MORN1: variants seen among roughly 807,000 people sequenced by gnomAD.
MORN1 encodes MORN repeat-containing protein 1.
A neutral mutation model predicts 61.9 loss-of-function variants in MORN1; 67 were observed. That is an observed-to-expected ratio of 1.08 (90% CI 0.89 to 1.33). The LOEUF (loss-of-function observed/expected upper bound fraction) is 1.33. MORN1 is among the 40% of genes most tolerant of loss of function. The probability of loss-of-function intolerance (pLI) is 0.00; values close to 1 mark genes in which losing one functional copy is unlikely to be tolerated. For missense variants in MORN1, 752 were observed against 691.2 expected, an observed-to-expected ratio of 1.09 and a Z score of -0.99; for synonymous variants, 301 against 292.0, an observed-to-expected ratio of 1.03 and a Z score of -0.31.
At chr1:2,368,070 G>A (rs1304202406) in intron 8 of MORN1, among the ~76,000 whole-genome samples, 1 of 152,238 alleles carries the variant, frequency 6.6e-6, no homozygotes, top group Non-Finnish European at 1.5e-5. Context: ...AAACTTTTGT[G>A]TTTCAAAGGA....
intron 1 of MORN1, chr1:2,390,810 G>A (rs1262590235): frequency 1.1e-6 from 1 of 917,466 alleles, no homozygotes; most frequent in Non-Finnish European, 1.3e-6. Flanking sequence ...GTGCAGCGGC[G>A]CGATCTCGGC....
intron 10 of MORN1, among the ~76,000 whole-genome samples, chr1:2,340,018 A>G (rs1353121804): frequency 1.3e-5 from 2 of 152,200 alleles, no homozygotes; most frequent in Admixed American, 1.3e-4. Context: ...CAGGTTTTCC[A>G]AGGCTGCGCC....
Position 2,337,189 on chromosome 1 carries a change from G to C in MORN1, c.1037-339C>G, listed in dbSNP as rs1206977143. The stretch of plus-strand genomic sequence containing the variant: ...AGCCGAGGCACTCGCTTCCAGGGTA[G>C]GGCCGGGACCGGGGCCCTGGCCGGA... On this transcript the variant is annotated intron_variant, in intron 10 of 13. Transcript: ENST00000378531. This position sits in a 1 kb window ranked among gnomAD's most constrained non-coding sequence, Gnocchi z 5.7. Among the ~76,000 whole-genome samples, 1 of 152,232 alleles carries C rather than the reference G, an allele frequency of 6.6e-6. No homozygotes were observed. Among genetic ancestry groups the C allele is most frequent in the African/African-American group, 2.4e-5 (1 of 41,448 alleles).
rs569296634 is a variant in MORN1 at position 2,337,290 on chromosome 1, C to T, written c.1037-440G>A. 3.3e-4 allele frequency among the ~76,000 whole-genome samples: 50 copies of T among 152,294 alleles called. No individual in the cohort carries two copies. In the South Asian group the frequency reaches 6.6e-3, roughly 20 times the overall value. On this transcript the variant is annotated intron_variant, in intron 10 of 13. Coordinates refer to ENST00000378531, the MANE Select transcript of MORN1 (RefSeq NM_024848.3). The surrounding 1 kb of genome is among the most constrained non-coding windows in gnomAD (Gnocchi z 5.7). ...GAGGAGGAAGATGGTTCTGCCCCAG[C>T]GGCCCATCAAGATGGACCTGGCGTC...
intron 12 of MORN1, among the ~76,000 whole-genome samples, chr1:2,325,838 T>C (rs1641015777): frequency 6.6e-6 from 1 of 152,086 alleles, no homozygotes; most frequent in Non-Finnish European, 1.5e-5. Context: ...TTGCCCAGGC[T>C]GGTCTCAAAC....
chr1:2,347,635 C>T (rs1569961085), intron 10 of MORN1, among the ~76,000 whole-genome samples: 1 of 152,266 alleles, frequency 6.6e-6, no homozygotes, highest in Non-Finnish European at 1.5e-5. Flanking sequence ...GGGGACGGGG[C>T]CACGCAGGTG....
intron 2 of MORN1, among the ~76,000 whole-genome samples, chr1:2,389,248 G>T (rs1642585193): frequency 6.6e-6 from 1 of 152,236 alleles, no homozygotes; most frequent in Non-Finnish European, 1.5e-5. Context: ...GGGGGTACAG[G>T]TGTTATCGAC....
intron 8 of MORN1, among the ~76,000 whole-genome samples, chr1:2,368,186 C>T (rs1414665686): frequency 1.3e-5 from 2 of 152,216 alleles, no homozygotes; most frequent in African/African-American, 2.4e-5. Context: ...ACTCTTACGA[C>T]ATCTTGATGC....
intron 8 of MORN1, among the ~76,000 whole-genome samples, chr1:2,365,670 T>C (rs1486202739): frequency 6.6e-6 from 1 of 151,972 alleles, no homozygotes; most frequent in Admixed American, 6.6e-5. Flanking sequence ...TTTTTGCCCA[T>C]TCAGTATGAT....
At chr1:2,343,602 G>A (rs1326621665) in intron 10 of MORN1, among the ~76,000 whole-genome samples, 1 of 152,180 alleles carries the variant, frequency 6.6e-6, no homozygotes, top group Non-Finnish European at 1.5e-5. Flanking sequence ...CACCTCCACT[G>A]CATTCCCACG....
intron 8 of MORN1, among the ~76,000 whole-genome samples, chr1:2,359,879 T>C: frequency 8.6e-6 from 1 of 116,574 alleles, no homozygotes; most frequent in Non-Finnish European, 1.9e-5. Flanking sequence ...AGAGACTCCG[T>C]CTCAAAAAAA....
At chr1:2,356,592 G>A (rs951882321) in intron 10 of MORN1, among the ~76,000 whole-genome samples, 3 of 152,142 alleles carry the variant, frequency 2.0e-5, no homozygotes, top group Admixed American at 6.5e-5. Context: ...GGACCCCCAC[G>A]CCCGACCCCC....
At chr1:2,354,492 G>A (rs973906082) in intron 10 of MORN1, among the ~76,000 whole-genome samples, 14 of 152,134 alleles carry the variant, frequency 9.2e-5, no homozygotes, top group Admixed American at 2.0e-4. Context: ...ACCTGAGCCC[G>A]GGAGGTGGAG....
In MORN1 at chr1:2,335,829, A is replaced by AGCCCAGCCCAGCCCG. The variant is rs1553208732; in HGVS notation, c.1250+639_1250+640insCGGGCTGGGCTGGGC. Among the ~76,000 whole-genome samples, 482 of 139,432 alleles carry AGCCCAGCCCAGCCCG rather than the reference A, an allele frequency of 3.5e-3. 21 individuals carry two copies. Among genetic ancestry groups the AGCCCAGCCCAGCCCG allele is most frequent in the African/African-American group, 0.015 (457 of 29,886 alleles). The allele number at this position is 139,432 out of a possible 152,430, so 91.5% of individuals were successfully genotyped here. ...TCAGCGGGGGCCTCCTCGCCTCCAT[A>AGCCCAGCCCAGCCCG]GCCCAGCCCAGCCCAGCGCGCAGCT... On this transcript the variant is annotated intron_variant, in intron 12 of 13. Transcript: ENST00000378531.
intron 10 of MORN1, among the ~76,000 whole-genome samples, chr1:2,356,668 C>T (rs2100302279): frequency 6.6e-6 from 1 of 152,330 alleles, no homozygotes; most frequent in East Asian, 1.9e-4. Context: ...CACCCCAGGG[C>T]CTCCCAACGC....
rs968078697 is a variant in MORN1 at position 2,322,684 on chromosome 1, G to C, written c.1298-1105C>G. The C allele has an allele frequency of 2.0e-5, 20 of 985,352 alleles. No individual in the cohort carries two copies. The African/African-American group carries it at 3.3e-4, about 16-fold the overall frequency. 61.0% of individuals were successfully genotyped at this position (985,352 alleles called of 1,614,324 possible). ...GCGGGCGGAGGAAGAGCCCCACATG[G>C]CAACGCCACAGTGTTTCCAAGCAGC... On this transcript the variant is annotated intron_variant, in intron 13 of 13. Transcript: ENST00000378531.
chr1:2,332,643 G>T (rs1331466541), intron 12 of MORN1: 5 of 456,568 alleles, frequency 1.1e-5, no homozygotes, highest in African/African-American at 4.0e-5. Flanking sequence ...GACATGGAAG[G>T]GGTCACACTC....
intron 7 of MORN1, among the ~76,000 whole-genome samples, chr1:2,374,093 G>C (rs565126371): frequency 6.6e-6 from 1 of 152,164 alleles, no homozygotes; most frequent in Admixed American, 6.5e-5. Context: ...AGGGTGGCTC[G>C]GGAGGCAGCC....
chr1:2,341,592 G>A (rs1641395719), intron 10 of MORN1, among the ~76,000 whole-genome samples: 1 of 152,120 alleles, frequency 6.6e-6, no homozygotes, highest in East Asian at 1.9e-4. Context: ...TCGGGAGGCT[G>A]AGGCACGAGA....
Sources: allele counts gnomAD v4.1 joint callset (sites outside exome capture counted in the v4.1 genomes callset), GRCh38; gene constraint gnomAD v4.1.1; non-coding constraint Gnocchi (gnomAD v3.1); transcripts MANE v1.5; gene names NCBI Gene and HGNC (gene_info 2026-07-23, HGNC 2026-07-21).